The following E2F8 variants were observed in gnomAD, a reference collection of about 807,000 sequenced individuals.
E2F8 encodes the protein E2F transcription factor 8.
In E2F8, 35 loss-of-function variants were observed where a neutral mutation model predicts 80.8. That is an observed-to-expected ratio of 0.43 (90% CI 0.33 to 0.57). E2F8 has a LOEUF of 0.57. Among genes scored for constraint, E2F8 ranks in the 20% least tolerant of loss-of-function variants. The probability of loss-of-function intolerance (pLI) is 0.04; values close to 1 mark genes in which losing one functional copy is unlikely to be tolerated. For synonymous variants in E2F8, 386 were observed against 395.0 expected, an observed-to-expected ratio of 0.98 and a Z score of 0.27; for missense variants, 975 against 1,056.2, an observed-to-expected ratio of 0.92 and a Z score of 1.07.
At position 19,225,370 on chromosome 11, in the gene E2F8, T is replaced by A. The variant is rs1851205596; in HGVS notation, c.2272A>T (p.Ile758Phe). 5 of 1,614,076 alleles carry A rather than the reference T, an allele frequency of 3.1e-6. No individual in the cohort carries two copies. The highest frequency in any genetic ancestry group is 1.7e-5 in the Admixed American group (1 of 60,006). The change falls in exon 12 of 13, where the codon ATC becomes TTC. Residue 758 changes from isoleucine to phenylalanine, a missense_variant. Coordinates refer to ENST00000250024, the MANE Select transcript of E2F8 (RefSeq NM_024680.4). ...VQLSASPGSG[I>F]VPVSPRIESV... ...TCTATTCTTGGAGACACAGGAACGA[T>A]TCCAGACCCAGGGCTGGCAGACAAC... is the stretch of plus-strand genomic sequence containing the variant.
chr11:19,238,227 C>T (rs1295083787), intron 2 of E2F8, 95 bp from the exon 3 acceptor site: 4 of 1,295,556 alleles, frequency 3.1e-6, no homozygotes, highest in Non-Finnish European at 4.2e-6. Flanking sequence ...AGAATCATGC[C>T]AAGGAAAAAA....
intron 10 of E2F8, among the ~76,000 whole-genome samples, chr11:19,227,745 A>G (rs572522016): frequency 1.9e-4 from 29 of 152,218 alleles, no homozygotes; most frequent in Non-Finnish European, 3.8e-4. Flanking sequence ...ATGAATTAAC[A>G]CATGACTCTC....
Position 19,224,469 on chromosome 11 carries a change from ATGTGTGTGTG to A in E2F8, c.*179_*188del, listed in dbSNP as rs10558787. 9 of 360,714 alleles carry A rather than the reference ATGTGTGTGTG, an allele frequency of 2.5e-5. No homozygotes were observed. The highest frequency in any genetic ancestry group is 1.3e-4 in the African/African-American group (6 of 47,254). 22.3% of individuals were successfully genotyped at this position (360,714 alleles called of 1,614,324 possible). On this transcript the variant is annotated 3_prime_UTR_variant, in exon 13 of 13. Coordinates refer to ENST00000250024, the MANE Select transcript of E2F8 (RefSeq NM_024680.4). ...GCTAAACTTAGCTTTATACAAATATATGTGTGTGTGTGTGTGTGTGTGTGTGTGTATATAT... is the reference window on the plus strand; with the variant it reads ...GCTAAACTTAGCTTTATACAAATATATGTGTGTGTGTGTGTGTGTATATAT...
chr11:19,225,087 A>T, intron 12 of E2F8, 134 bp downstream of exon 12: 1 of 1,328,282 alleles, frequency 7.5e-7, no homozygotes, highest in Non-Finnish European at 1.0e-6. Flanking sequence ...TGGAAGAAAC[A>T]TAGGCCTTCA....
intron 8 of E2F8, 138 bp from the exon 9 acceptor site, chr11:19,230,466 C>T: frequency 2.5e-6 from 3 of 1,193,558 alleles, no homozygotes; most frequent in East Asian, 4.9e-5. Context: ...CAATAAACCC[C>T]ACAAATGACT....
intron 6 of E2F8, among the ~76,000 whole-genome samples, chr11:19,233,836 C>T (rs905350793): frequency 6.6e-6 from 1 of 151,610 alleles, no homozygotes; most frequent in Admixed American, 6.6e-5. Context: ...AGCAATGTGT[C>T]AAATAAGAGT....
Position 19,232,235 on chromosome 11 carries a change from A to C in E2F8, c.1065T>G (p.Ser355Arg). ...WTGPEISPNT[S>R]GSSPVIHFTP... ...AGGGTGAAAGAAAAAAATACATACC[A>C]CTGGTATTTGGACTGATTTCTGGGC... Residue 355 changes from serine to arginine, a missense_variant and splice_region_variant, in exon 7 of 13, where the codon AGT becomes AGG. Coordinates refer to ENST00000250024, the MANE Select transcript of E2F8 (RefSeq NM_024680.4). 6.2e-7 allele frequency: 1 copy of C among 1,612,232 alleles called. No individual in the cohort carries two copies. The highest frequency in any genetic ancestry group is 1.1e-5 in the South Asian group (1 of 90,814).
intron 6 of E2F8, 32 bp downstream of exon 6, chr11:19,234,328 G>T: frequency 6.2e-7 from 1 of 1,609,448 alleles, no homozygotes; most frequent in Non-Finnish European, 8.5e-7. Context: ...TTAAGAATAG[G>T]TTCAAAAATC....
rs796877097 is a variant in E2F8 at position 19,235,666 on chromosome 11, C to A, written c.452-608G>T. 3.7e-3 allele frequency among the ~76,000 whole-genome samples: 551 copies of A among 147,568 alleles called. 5 individuals carry two copies. The highest frequency in any genetic ancestry group is 0.013 in the African/African-American group (517 of 40,306). On this transcript the variant is annotated intron_variant, in intron 4 of 12. Transcript: ENST00000250024. ...TCCGTCTCAAAAACAAACAAACAAA[C>A]AAAAAAAAAAAACGATGAGAAAACA...
intron 12 of E2F8, 39 bp from the exon 13 acceptor site, chr11:19,224,879 A>G (rs1394743468): frequency 6.2e-7 from 1 of 1,608,154 alleles, no homozygotes; most frequent in Admixed American, 1.7e-5. Context: ...GAAGTCAACC[A>G]CACACAGGTA....
intron 3 of E2F8, among the ~76,000 whole-genome samples, 158 bp downstream of exon 3, chr11:19,237,696 T>C (rs142028268): frequency 6.6e-6 from 1 of 152,306 alleles, no homozygotes; most frequent in East Asian, 1.9e-4. Context: ...CCCAGAGCTA[T>C]ATTTCTTGGG....
In E2F8 at chr11:19,237,466, T is replaced by C; in HGVS notation, c.299A>G (p.His100Arg). ...LPEAKDCIHEHLSGDEFEKSQ... is the reference protein window; with the variant it reads ...LPEAKDCIHERLSGDEFEKSQ... ...TTTCTCAAATTCATCTCCAGATAAG[T>C]GTTCCTACAAAGGAAAAGGTAAACA... The change falls in exon 4 of 13, where the codon CAC (histidine) becomes CGC (arginine). Residue 100 changes from histidine (H) to arginine (R), a missense_variant. By Grantham distance (29) the His-to-Arg change is conservative (BLOSUM62 0). Transcript: ENST00000250024. The C allele has an allele frequency of 6.2e-7, 1 of 1,612,628 alleles. No individual in the cohort carries two copies. Among genetic ancestry groups the C allele is most frequent in the African/African-American group, 1.3e-5 (1 of 74,894 alleles).
chr11:19,232,422 G>A, intron 6 of E2F8, 51 bp from the exon 7 acceptor site: 1 of 1,509,090 alleles, frequency 6.6e-7, no homozygotes, highest in Non-Finnish European at 9.0e-7. Context: ...AAAGATCAAA[G>A]AATTTTCCTT....
In E2F8 at chr11:19,229,711, T is replaced by C. The variant is rs750083625; in HGVS notation, c.1636A>G (p.Thr546Ala). The C allele has an allele frequency of 6.2e-7, 1 of 1,614,198 alleles. No individual in the cohort carries two copies. The highest frequency in any genetic ancestry group is 1.1e-5 in the South Asian group (1 of 91,086). The change falls in exon 10 of 13, where the codon ACC becomes GCC. Residue 546 changes from threonine (T) to alanine (A), a missense_variant. Physicochemically the swap from Thr to Ala is moderately conservative, Grantham distance 58 (BLOSUM62 0). Transcript: ENST00000250024. This position sits in a 1 kb window ranked among gnomAD's most constrained non-coding sequence, Gnocchi z 4.3. The stretch of plus-strand genomic sequence containing the variant: ...CCAGTAGCTTTAGAAGAGTGGGTGG[T>C]GCACACCGTTGGGCTCAGGCCTTGG... ...PPQGLSPTVC[T>A]THSSKATGSK... is the part of the protein sequence containing the mutation.
At chr11:19,233,367 T>C (rs1343972381) in intron 6 of E2F8, among the ~76,000 whole-genome samples, 1 of 152,226 alleles carries the variant, frequency 6.6e-6, no homozygotes, top group African/African-American at 2.4e-5. Flanking sequence ...AGGTCACTTC[T>C]GGGGACAATT....
At chr11:19,232,501 C>A in intron 6 of E2F8, 130 bp from the exon 7 acceptor site, 2 of 684,628 alleles carry the variant, frequency 2.9e-6, no homozygotes, top group Non-Finnish European at 2.3e-6. Context: ...ACATCTGCCT[C>A]CTTTTAAGTT....
At chr11:19,231,445 G>A (rs947059103) in intron 7 of E2F8, among the ~76,000 whole-genome samples, 8 of 152,278 alleles carry the variant, frequency 5.3e-5, no homozygotes, top group Admixed American at 3.3e-4. Context: ...ACTAATCCTC[G>A]AAGAAGTAGC....
At chr11:19,232,211 G>C (rs1292700981) in intron 7 of E2F8, 23 bp downstream of exon 7, 1 of 1,609,688 alleles carries the variant, frequency 6.2e-7, no homozygotes, top group East Asian at 2.2e-5. Context: ...ATAAAGCAGA[G>C]GGTGAAAGAA....
Position 19,234,958 on chromosome 11 carries a change from G to A in E2F8, c.552C>T (p.His184=), listed in dbSNP as rs372450254. The change falls in exon 5 of 13, where the codon CAC becomes CAT. Residue 184 remains histidine (H), a synonymous_variant. Coordinates refer to ENST00000250024, the MANE Select transcript of E2F8 (RefSeq NM_024680.4). Reference sequence around the variant, plus strand: ...AGGTGCCAAGGGTTTTGTTGAGATTGTGTCGCCCGTGCCAAGTGTACCTGT... The same window carrying A: ...AGGTGCCAAGGGTTTTGTTGAGATTATGTCGCCCGTGCCAAGTGTACCTGT... ...AKNRYTWHGR[H]NLNKTLGTLK... 1 of 1,614,088 alleles carries A rather than the reference G, an allele frequency of 6.2e-7. No homozygotes were observed. The highest frequency in any genetic ancestry group is 8.5e-7 in the Non-Finnish European group (1 of 1,180,050).
Sources: gnomAD v4.1 joint callset for allele counts (sites outside exome capture counted in the v4.1 genomes callset) on GRCh38, gnomAD v4.1.1 for gene constraint, Gnocchi (gnomAD v3.1) non-coding constraint, MANE v1.5 for transcripts, NCBI Gene and HGNC (gene_info 2026-07-23, HGNC 2026-07-21) for gene names.